Variants in MYO3A observed in about 807,000 individuals in gnomAD.
MYO3A encodes myosin-IIIa.
A neutral mutation model predicts 192.7 loss-of-function variants in MYO3A; 180 were observed. The ratio of observed to expected loss-of-function variants is 0.93; its 90% confidence interval spans 0.83 to 1.06. The LOEUF (loss-of-function observed/expected upper bound fraction) is 1.06, where lower values mean the gene tolerates loss of function less well. Among genes scored for constraint, MYO3A ranks in the 50% least tolerant of loss-of-function variants. The pLI, the probability that MYO3A is intolerant of heterozygous loss-of-function variation, is 0.00. For synonymous variants in MYO3A, 628 were observed against 645.3 expected, an observed-to-expected ratio of 0.97 and a Z score of 0.41; for missense variants, 1,896 against 1,905.0, an observed-to-expected ratio of 1.00 and a Z score of 0.09.
chr10:26,203,139 G>A (rs1395191303), intron 34 of MYO3A, 32 bp downstream of exon 34: 1 of 1,603,976 alleles, frequency 6.2e-7, no homozygotes, highest in East Asian at 2.2e-5. Flanking sequence ...TACATCATTT[G>A]CAGTTTTATA....
intron 10 of MYO3A, among the ~76,000 whole-genome samples, chr10:26,054,027 G>T (rs371128170): frequency 6.6e-6 from 1 of 152,008 alleles, no homozygotes; most frequent in Non-Finnish European, 1.5e-5. Context: ...TTAGAGGCTC[G>T]GCCAAGAGGG....
At chr10:26,127,244 A>G (rs1280631492) in intron 19 of MYO3A, among the ~76,000 whole-genome samples, 1 of 152,096 alleles carries the variant, frequency 6.6e-6, no homozygotes, top group Non-Finnish European at 1.5e-5. Flanking sequence ...CCATTAATAG[A>G]TCTTACTTTA....
intron 2 of MYO3A, among the ~76,000 whole-genome samples, chr10:25,949,818 T>C (rs1189873099): frequency 6.6e-6 from 1 of 152,156 alleles, no homozygotes; most frequent in Admixed American, 6.5e-5. Context: ...ATTCATTTAT[T>C]TATTCAACAG....
rs371085032 is a variant in MYO3A at position 26,125,548 on chromosome 10, G to A, written c.2054G>A (p.Arg685His). 1.5e-5 allele frequency: 24 copies of A among 1,613,858 alleles called. No homozygotes were observed. Among genetic ancestry groups the A allele is most frequent in the Middle Eastern group, 3.3e-4 (2 of 6,084 alleles). Residue 685 changes from arginine to histidine, a missense_variant, in exon 19 of 35, where the codon CGT becomes CAT. Coordinates refer to ENST00000642920, the MANE Select transcript of MYO3A (RefSeq NM_017433.5). ...RDAMAKTLYGRLFSWIVNCIN... is the reference protein window; with the variant it reads ...RDAMAKTLYGHLFSWIVNCIN... ...GCCATGGCTAAAACTTTATATGGAC[G>A]TCTCTTTAGTTGGATAGTCAATTGC...
At chr10:26,138,024 G>C (rs1240907311) in intron 20 of MYO3A, among the ~76,000 whole-genome samples, 3 of 152,162 alleles carry the variant, frequency 2.0e-5, no homozygotes, top group African/African-American at 7.2e-5. Context: ...CCCTTATCAG[G>C]AGTTTCTGAT....
At chr10:26,129,274 A>G (rs1420849893) in intron 20 of MYO3A, among the ~76,000 whole-genome samples, 2 of 152,174 alleles carry the variant, frequency 1.3e-5, no homozygotes, top group Non-Finnish European at 2.9e-5. Context: ...CATTTTGAAA[A>G]CAGTGGTCAC....
At chr10:26,179,209 C>T (rs772627307) in intron 31 of MYO3A, among the ~76,000 whole-genome samples, 5 of 142,748 alleles carry the variant, frequency 3.5e-5, no homozygotes, top group Non-Finnish European at 6.0e-5. Flanking sequence ...AGTGATTCTC[C>T]TGCCTCAGCC....
intron 4 of MYO3A, among the ~76,000 whole-genome samples, chr10:25,961,669 G>T (rs866723331): frequency 6.2e-4 from 95 of 152,126 alleles, no homozygotes; most frequent in African/African-American, 2.0e-3. Context: ...CAAGAAGTTG[G>T]CAAACTGTAT....
chr10:25,994,249 TC>T (rs531766374), intron 4 of MYO3A, among the ~76,000 whole-genome samples: 14,428 of 152,210 alleles, frequency 0.095, 1,193 homozygotes, highest in African/African-American at 0.22. Flanking sequence ...GTTGAATTGA[TC>T]CCTTTACCAT....
At chr10:26,107,149 A>G (rs1837860361) in intron 17 of MYO3A, among the ~76,000 whole-genome samples, 1 of 152,130 alleles carries the variant, frequency 6.6e-6, no homozygotes, top group Admixed American at 6.6e-5. Context: ...AATTCTTATC[A>G]TTAGAGAAGA....
At chr10:26,001,733 G>A (rs1333695374) in intron 6 of MYO3A, among the ~76,000 whole-genome samples, 1 of 152,198 alleles carries the variant, frequency 6.6e-6, no homozygotes, top group Non-Finnish European at 1.5e-5. Flanking sequence ...TATAATCCCA[G>A]CACTTTGAAA....
intron 31 of MYO3A, among the ~76,000 whole-genome samples, chr10:26,182,873 C>A (rs1842677172): frequency 6.6e-6 from 1 of 152,170 alleles, no homozygotes; most frequent in Admixed American, 6.5e-5. Flanking sequence ...CTCAGGGCAC[C>A]CTTGGTATCA....
chr10:26,174,336 C>T lies in MYO3A; in HGVS notation c.4072C>T (p.Arg1358Trp), dbSNP rs775816097. 1.1e-5 allele frequency: 17 copies of T among 1,613,962 alleles called. No homozygotes were observed. The highest frequency in any genetic ancestry group is 3.3e-5 in the Admixed American group (2 of 59,994). Residue 1358 changes from arginine (R) to tryptophan (W), a missense_variant, in exon 30 of 35, where the codon CGG (arginine) becomes TGG (tryptophan). Physicochemically the swap from Arg to Trp is moderately radical, Grantham distance 101. Coordinates refer to ENST00000642920, the MANE Select transcript of MYO3A (RefSeq NM_017433.5). ...AGCGGTATTCATTCAGAGCAAATACCGGGGTTACAAGAGAAGGCAGCAGTT... is the reference window on the plus strand; with the variant it reads ...AGCGGTATTCATTCAGAGCAAATACTGGGGTTACAAGAGAAGGCAGCAGTT... ...KAAVFIQSKY[R>W]GYKRRQQLRK...
intron 4 of MYO3A, among the ~76,000 whole-genome samples, chr10:25,960,704 G>A (rs1005531787): frequency 6.6e-6 from 1 of 152,140 alleles, no homozygotes; most frequent in African/African-American, 2.4e-5. Flanking sequence ...TGAATAGTCT[G>A]AGGAGGAGGA....
intron 4 of MYO3A, among the ~76,000 whole-genome samples, chr10:25,981,381 T>A (rs1003563367): frequency 1.3e-5 from 2 of 151,980 alleles, no homozygotes; most frequent in African/African-American, 4.8e-5. Flanking sequence ...GAGAAAAAAA[T>A]TGTGACTTTG....
intron 4 of MYO3A, among the ~76,000 whole-genome samples, chr10:25,955,370 A>G (rs373357534): frequency 2.6e-5 from 4 of 152,320 alleles, no homozygotes; most frequent in South Asian, 4.1e-4. Context: ...ATAAGAAAAA[A>G]TTAATGTTAA....
In MYO3A at chr10:25,983,839, G is replaced by T. The variant is rs1839484989; in HGVS notation, c.304-12651G>T. Among the ~76,000 whole-genome samples, 2 of 152,154 alleles carry T rather than the reference G, an allele frequency of 1.3e-5. 1 individual carries two copies. The highest frequency in any genetic ancestry group is 2.9e-5 in the Non-Finnish European group (2 of 68,022). ...TTATCTAAAGTCAAGACAAAGGAAA[G>T]AATCTTAAGAGCTGTGAGGCAAAAG... On this transcript the variant is annotated intron_variant, in intron 4 of 34. Coordinates refer to ENST00000642920, the MANE Select transcript of MYO3A (RefSeq NM_017433.5).
At chr10:26,081,551 T>A (rs1011156871) in intron 14 of MYO3A, among the ~76,000 whole-genome samples, 4 of 152,152 alleles carry the variant, frequency 2.6e-5, no homozygotes, top group Admixed American at 1.3e-4. Flanking sequence ...CACACCAGAT[T>A]GGCACCCTCC....
At chr10:26,133,649 A>G (rs1436551086) in intron 20 of MYO3A, among the ~76,000 whole-genome samples, 1 of 152,224 alleles carries the variant, frequency 6.6e-6, no homozygotes, top group Non-Finnish European at 1.5e-5. Context: ...ACTAGAGTGC[A>G]GTGGCACAAT....
Sources: gnomAD v4.1 joint callset for allele counts (sites outside exome capture counted in the v4.1 genomes callset) on GRCh38, gnomAD v4.1.1 for gene constraint, MANE v1.5 for transcripts, NCBI Gene and HGNC (gene_info 2026-07-23, HGNC 2026-07-21) for gene names.